Variants in DHX57 observed in about 807,000 individuals in gnomAD.
The protein encoded by DHX57 is DExH-box helicase 57, also known as putative ATP-dependent RNA helicase DHX57.
A neutral mutation model predicts 156.2 loss-of-function variants in DHX57; 105 were observed. The ratio of observed to expected loss-of-function variants is 0.67; its 90% CI spans 0.57 to 0.79. The LOEUF (loss-of-function observed/expected upper bound fraction) is 0.79. Among genes scored for constraint, DHX57 ranks in the 30% least tolerant of loss-of-function variants. The pLI is 0.00. For missense variants in DHX57, 1,847 were observed against 1,661.9 expected (o/e 1.11, Z -1.94); for synonymous variants, 704 against 595.6 (o/e 1.18, Z -2.65).
chr2:38,858,659 A>G lies in DHX57; in HGVS notation c.1587+2T>C. The G allele has an allele frequency of 6.2e-7, 1 of 1,612,318 alleles. No homozygotes were observed. The highest frequency in any genetic ancestry group is 8.5e-7 in the Non-Finnish European group (1 of 1,179,484). On this transcript the variant is annotated splice_donor_variant, in intron 6 of 23. Transcript: ENST00000457308. LOFTEE classifies it high-confidence loss of function. ...GTTACTCATTCTCTCAGCATACCCT[A>G]CCTGTTTCATTCGGAACTGCTTGCA...
intron 21 of DHX57, among the ~76,000 whole-genome samples, chr2:38,808,413 C>G (rs1016478035): frequency 6.6e-6 from 1 of 151,762 alleles, no homozygotes; most frequent in Non-Finnish European, 1.5e-5. Flanking sequence ...TTTTTATAGC[C>G]TACTTTTTTA....
At chr2:38,856,034 C>A (rs1451735877) in intron 7 of DHX57, among the ~76,000 whole-genome samples, 1 of 152,220 alleles carries the variant, frequency 6.6e-6, no homozygotes, top group Admixed American at 6.5e-5. Flanking sequence ...TCACTTGAAC[C>A]CAGGAGGCAA....
chr2:38,811,122 G>C (rs759741781), intron 21 of DHX57: 4 of 545,448 alleles, frequency 7.3e-6, no homozygotes, highest in Non-Finnish European at 1.4e-5. Context: ...ATGTGCATGA[G>C]GTTCTCGTCC....
intron 21 of DHX57, among the ~76,000 whole-genome samples, chr2:38,808,712 C>T (rs886115413): frequency 4.3e-4 from 66 of 152,134 alleles, no homozygotes; most frequent in African/African-American, 1.6e-3. Context: ...TAAGAGTACT[C>T]ATTTTGGGGG....
At chr2:38,857,599 G>C (rs934505710) in intron 6 of DHX57, among the ~76,000 whole-genome samples, 1 of 152,174 alleles carries the variant, frequency 6.6e-6, no homozygotes, top group Admixed American at 6.5e-5. Flanking sequence ...TCAAAAATCA[G>C]ACTCACAGAA....
In DHX57 at chr2:38,843,061, T is replaced by A. The variant is rs1386569846; in HGVS notation, c.2369A>T (p.Lys790Ile). ...TAACTGTTGATCTGGCACTGCATCT[T>A]TGACAGAATCCTGATCCTGGAGGTG... ...SLHLQDQDSV[K>I]DAVPDQQLDF... The change falls in exon 12 of 24, where the codon AAA (lysine) becomes ATA (isoleucine). Residue 790 changes from lysine (K) to isoleucine (I), a missense_variant. Lys to Ile is a moderately radical substitution (Grantham distance 102). Coordinates refer to ENST00000457308, the MANE Select transcript of DHX57 (RefSeq NM_198963.3). The A allele has an allele frequency of 6.2e-7, 1 of 1,614,238 alleles. No homozygotes were observed. The highest frequency in any genetic ancestry group is 1.7e-5 in the Admixed American group (1 of 60,026).
At chr2:38,838,970 C>T (rs1671833913) in intron 12 of DHX57, among the ~76,000 whole-genome samples, 2 of 151,960 alleles carry the variant, frequency 1.3e-5, no homozygotes, top group African/African-American at 4.8e-5. Flanking sequence ...CTTGCTCTGT[C>T]ACCCAGGCTG....
intron 13 of DHX57, among the ~76,000 whole-genome samples, chr2:38,831,301 G>C (rs1176957787): frequency 6.8e-6 from 1 of 147,908 alleles, no homozygotes; most frequent in African/African-American, 2.5e-5. Flanking sequence ...TTTAAATTTA[G>C]GTAATTTTCT....
At chr2:38,820,720 T>G (rs1447591844) in intron 17 of DHX57, among the ~76,000 whole-genome samples, 1 of 152,160 alleles carries the variant, frequency 6.6e-6, no homozygotes, top group Non-Finnish European at 1.5e-5. Flanking sequence ...TTTTTGCAGA[T>G]CTGTGAGTTT....
intron 21 of DHX57, chr2:38,811,084 G>C: frequency 1.7e-6 from 1 of 578,452 alleles, no homozygotes. Context: ...GGTTCTTGGG[G>C]TTCTCCAAGA....
chr2:38,809,450 C>A (rs1670122845), intron 21 of DHX57, among the ~76,000 whole-genome samples: 2 of 143,422 alleles, frequency 1.4e-5, no homozygotes. Flanking sequence ...GAGGCTATTT[C>A]TTTCTGTTTT....
chr2:38,826,871 C>A (rs914505431), intron 14 of DHX57, among the ~76,000 whole-genome samples, 182 bp from the exon 15 acceptor site: 1 of 152,202 alleles, frequency 6.6e-6, no homozygotes, highest in Admixed American at 6.6e-5. Context: ...TGGCTCACAC[C>A]TGTAATCCCA....
chr2:38,798,726 A>ACC (rs1223187339), intron 23 of DHX57, among the ~76,000 whole-genome samples: 3 of 151,880 alleles, frequency 2.0e-5, no homozygotes, highest in East Asian at 2.0e-4. Flanking sequence ...CGGGCGGATC[A>ACC]TGAGATCAGG....
chr2:38,863,452 G>T lies in DHX57; in HGVS notation c.292C>A (p.Leu98Ile). Residue 98 changes from leucine to isoleucine, a missense_variant, in exon 3 of 24, where the codon CTT becomes ATT. Transcript: ENST00000457308. ...PKWKPKAKVP[L>I]QTLHMTSENQ... ...TCAGAAGTCATATGTAGAGTCTGAA[G>T]GGGTACTTTGGCTTTGGGTTTCCAT... is the stretch of plus-strand genomic sequence containing the variant. 1 of 1,614,090 alleles carries T rather than the reference G, an allele frequency of 6.2e-7. No homozygotes were observed. Among genetic ancestry groups the T allele is most frequent in the Non-Finnish European group, 8.5e-7 (1 of 1,180,008 alleles).
intron 21 of DHX57, among the ~76,000 whole-genome samples, chr2:38,807,819 T>C (rs1572619912): frequency 6.6e-6 from 1 of 151,722 alleles, no homozygotes; most frequent in African/African-American, 2.4e-5. Flanking sequence ...GCTAATTTTG[T>C]ATCTTCAGTG....
rs770282538 is a variant in DHX57, at chr2:38,848,275, T to G, written c.2158A>C (p.Ile720Leu). The G allele has an allele frequency of 5.0e-6, 8 of 1,592,726 alleles. No homozygotes were observed. Among genetic ancestry groups the G allele is most frequent in the Non-Finnish European group, 6.0e-6 (7 of 1,173,204 alleles). Reference protein sequence around the residue: ...DYFNSCPVITIPGRTFPVDQF... With the variant: ...DYFNSCPVITLPGRTFPVDQF... ...AATGATGCATTTTATTCACCTGGTA[T>G]AGTAATAACGGGGCAGGAATTAAAA... Residue 720 changes from isoleucine to leucine, a missense_variant, in exon 10 of 24, where the codon ATA (isoleucine) becomes CTA (leucine). Ile to Leu is a conservative substitution (Grantham distance 5). Transcript: ENST00000457308.
chr2:38,801,511 G>C (rs1336564528), intron 23 of DHX57, among the ~76,000 whole-genome samples: 1 of 152,210 alleles, frequency 6.6e-6, no homozygotes, highest in Non-Finnish European at 1.5e-5. Flanking sequence ...CTGGGTTCAA[G>C]TGATTCTCCT....
intron 21 of DHX57, chr2:38,810,780 G>A: frequency 2.5e-6 from 2 of 784,546 alleles, no homozygotes; most frequent in Non-Finnish European, 4.5e-6. Context: ...CCATGGCAAA[G>A]CCCTCAATGT....
At chr2:38,863,585 G>T in intron 2 of DHX57, 66 bp from the exon 3 acceptor site, 1 of 1,507,132 alleles carries the variant, frequency 6.6e-7, no homozygotes, top group East Asian at 2.3e-5. Context: ...CTCTCCTCAG[G>T]GGTCCCCAGA....
Sources: allele counts gnomAD v4.1 joint callset (sites outside exome capture counted in the v4.1 genomes callset), GRCh38; gene constraint gnomAD v4.1.1; transcripts MANE v1.5; gene names NCBI Gene and HGNC (gene_info 2026-07-23, HGNC 2026-07-21).